DEPDC5: variants seen among roughly 807,000 people sequenced by gnomAD.
DEPDC5 encodes DEP domain containing 5, GATOR1 subcomplex subunit, also known as GATOR1 complex protein DEPDC5.
In DEPDC5, 73 loss-of-function variants were observed where a neutral mutation model predicts 217.3. The observed-to-expected ratio is 0.34, with a 90% CI of 0.28 to 0.41. The LOEUF (loss-of-function observed/expected upper bound fraction) is 0.41, where lower values mean the gene tolerates loss of function less well. Among genes scored for constraint, DEPDC5 ranks in the 10% least tolerant of loss-of-function variants. The pLI is 1.00. For synonymous variants in DEPDC5, 733 were observed against 756.7 expected, an observed-to-expected ratio of 0.97 and a Z score of 0.51; for missense variants, 1,675 against 2,070.1, an observed-to-expected ratio of 0.81 and a Z score of 3.70.
At chr22:31,845,355 T>G in intron 30 of DEPDC5, 118 bp downstream of exon 30, 8 of 1,323,246 alleles carry the variant, frequency 6.0e-6, no homozygotes, top group Non-Finnish European at 8.3e-6. Context: ...GCCCAGTGTT[T>G]ACCTTAAATC....
intron 41 of DEPDC5, among the ~76,000 whole-genome samples, chr22:31,904,374 T>TA (rs939626498): frequency 4.2e-4 from 63 of 151,276 alleles, no homozygotes; most frequent in East Asian, 2.5e-3. Flanking sequence ...AGAAATGAGG[T>TA]AAAAAAAAAT....
Position 31,754,957 on chromosome 22 carries a change from C to G in DEPDC5, c.36C>G (p.His12Gln), listed in dbSNP as rs2075192968. 1 of 1,614,092 alleles carries G rather than the reference C, an allele frequency of 6.2e-7. No homozygotes were observed. The highest frequency in any genetic ancestry group is 8.5e-7 in the Non-Finnish European group (1 of 1,180,044). ...RTTKVYKLVI[H>Q]KKGFGGSDDE... Reference sequence around the variant, plus strand: ...CAAAGGTCTACAAACTCGTCATCCACAAGAAGGGCTTTGGGGGCAGTGGTC... The same window carrying G: ...CAAAGGTCTACAAACTCGTCATCCAGAAGAAGGGCTTTGGGGGCAGTGGTC... The change falls in exon 2 of 43, where the codon CAC becomes CAG. Residue 12 changes from histidine to glutamine, a missense_variant. This residue lies in a region of DEPDC5 where 628 missense variants were observed against 762.1 expected (regional missense o/e 0.82). Coordinates refer to ENST00000651528, the MANE Select transcript of DEPDC5 (RefSeq NM_001242896.3).
chr22:31,767,826 A>G (rs1454031329), intron 6 of DEPDC5, among the ~76,000 whole-genome samples: 2 of 151,668 alleles, frequency 1.3e-5, no homozygotes, highest in South Asian at 2.1e-4. Context: ...TGCTCACTGC[A>G]AGCTCTGCCT....
intron 27 of DEPDC5, among the ~76,000 whole-genome samples, chr22:31,842,524 G>A (rs1248976113): frequency 1.4e-5 from 2 of 144,504 alleles, no homozygotes; most frequent in Admixed American, 7.2e-5. Flanking sequence ...GCAGTGAGCC[G>A]AGATCGGGCC....
At chr22:31,839,854 T>C (rs2091281416) in intron 27 of DEPDC5, among the ~76,000 whole-genome samples, 1 of 152,096 alleles carries the variant, frequency 6.6e-6, no homozygotes, top group African/African-American at 2.4e-5. Flanking sequence ...GGTTAATAAG[T>C]ATATGAATTT....
At chr22:31,767,828 G>T (rs1212064935) in intron 6 of DEPDC5, among the ~76,000 whole-genome samples, 1 of 151,422 alleles carries the variant, frequency 6.6e-6, no homozygotes, top group Admixed American at 6.6e-5. Flanking sequence ...CTCACTGCAA[G>T]CTCTGCCTCC....
chr22:31,789,443 A>G (rs55864910), intron 10 of DEPDC5, among the ~76,000 whole-genome samples: 10,112 of 152,282 alleles, frequency 0.066, 372 homozygotes, highest in Non-Finnish European at 0.079. Context: ...AGGTAAATAT[A>G]TAATATAGAG....
chr22:31,894,001 G>A, intron 39 of DEPDC5: 1 of 323,526 alleles, frequency 3.1e-6, no homozygotes. Flanking sequence ...CTGTGGGGGA[G>A]TCCTGCACCT....
intron 38 of DEPDC5, among the ~76,000 whole-genome samples, chr22:31,889,075 T>G (rs2093380407): frequency 6.6e-6 from 1 of 152,142 alleles, no homozygotes; most frequent in South Asian, 2.1e-4. Flanking sequence ...GGGGTTGCAT[T>G]TTTCTCCTCT....
chr22:31,758,482 T>G (rs1360228962), intron 2 of DEPDC5, 64 bp from the exon 3 acceptor site: 1 of 1,446,004 alleles, frequency 6.9e-7, no homozygotes, highest in East Asian at 2.3e-5. Flanking sequence ...GAGGAACCAG[T>G]ATGAGAACAT....
rs751141604 is a variant in DEPDC5 at position 31,843,179 on chromosome 22, A to G, written c.2600A>G (p.Asp867Gly). The change falls in exon 28 of 43, where the codon GAT becomes GGT. Residue 867 changes from aspartate to glycine, a missense_variant. Physicochemically the swap from Asp to Gly is moderately conservative, Grantham distance 94 (BLOSUM62 -1). This residue lies in a region of DEPDC5 where 293 missense variants were observed against 386.1 expected (regional missense o/e 0.76). Transcript: ENST00000651528. Reference protein sequence around the residue: ...GRTFHKVTLKDKMITVTRYLP... With the variant: ...GRTFHKVTLKGKMITVTRYLP... ...ACGTTCCACAAAGTGACGCTGAAGG[A>G]TAAGATGATCACAGTGACGCGATAC... 1 of 1,614,190 alleles carries G rather than the reference A, an allele frequency of 6.2e-7. No homozygotes were observed. The highest frequency in any genetic ancestry group is 1.1e-5 in the South Asian group (1 of 91,076).
At chr22:31,869,855 C>G (rs929995527) in intron 33 of DEPDC5, among the ~76,000 whole-genome samples, 1 of 152,046 alleles carries the variant, frequency 6.6e-6, no homozygotes. Flanking sequence ...TCTTGACAGA[C>G]GATGCAAATG....
At chr22:31,826,573 A>G (rs368879291) in intron 24 of DEPDC5, 32 of 369,462 alleles carry the variant, frequency 8.7e-5, no homozygotes, top group African/African-American at 5.4e-4. Flanking sequence ...CAGCTGCAAC[A>G]ATACCTCTTC....
chr22:31,855,232 G>C (rs1342066386), intron 31 of DEPDC5, among the ~76,000 whole-genome samples: 2 of 151,906 alleles, frequency 1.3e-5, no homozygotes, highest in Non-Finnish European at 2.9e-5. Flanking sequence ...CAAAGTCCTG[G>C]GATAACAGGT....
At chr22:31,777,969 A>G in intron 7 of DEPDC5, 130 bp from the exon 8 acceptor site, 1 of 956,882 alleles carries the variant, frequency 1.0e-6, no homozygotes, top group Non-Finnish European at 1.6e-6. Flanking sequence ...GCTGGTCTCG[A>G]AGTCCTGACC....
At chr22:31,762,899 G>C (rs2082514344) in intron 4 of DEPDC5, among the ~76,000 whole-genome samples, 1 of 152,050 alleles carries the variant, frequency 6.6e-6, no homozygotes, top group Non-Finnish European at 1.5e-5. Context: ...ACTGCAACCT[G>C]CGCCTCCTGG....
intron 21 of DEPDC5, chr22:31,815,456 C>T (rs1489784893): frequency 1.8e-5 from 12 of 679,896 alleles, no homozygotes; most frequent in Non-Finnish European, 1.6e-5. Context: ...CACAGCTCAC[C>T]TCAGTGCGGC....
intron 36 of DEPDC5, among the ~76,000 whole-genome samples, chr22:31,874,771 G>T (rs1391927629): frequency 1.3e-5 from 2 of 152,104 alleles, no homozygotes; most frequent in Non-Finnish European, 2.9e-5. Context: ...TGGATTCAAG[G>T]CTCTGACCCA....
At chr22:31,806,643 G>T (rs1374505371) in intron 18 of DEPDC5, among the ~76,000 whole-genome samples, 2 of 152,208 alleles carry the variant, frequency 1.3e-5, no homozygotes. Flanking sequence ...TGGGGATAAA[G>T]ACAAAGATGC....
Sources: gnomAD v4.1 joint callset for allele counts (sites outside exome capture counted in the v4.1 genomes callset) on GRCh38, gnomAD v4.1.1 for gene constraint, gnomAD v4.1.1 regional missense constraint, MANE v1.5 for transcripts, NCBI Gene and HGNC (gene_info 2026-07-23, HGNC 2026-07-21) for gene names.